The following SUPT3H variants were observed in gnomAD, a reference collection of about 807,000 sequenced individuals.
SUPT3H encodes the protein transcription initiation protein SPT3 homolog.
Under a neutral mutation model 44.3 loss-of-function variants are expected in SUPT3H, and 44 were observed. The observed-to-expected ratio is 0.99, with a 90% CI of 0.78 to 1.28. The LOEUF is 1.28. SUPT3H is among the 50% of genes most tolerant of loss of function. The pLI is 0.00. For synonymous variants in SUPT3H, 124 were observed against 125.6 expected (o/e 0.99, Z 0.09); for missense variants, 380 against 387.1 (o/e 0.98, Z 0.15).
At chr6:45,097,826 C>G (rs990232480) in intron 3 of SUPT3H, 1 of 152,238 alleles carries the variant, frequency 6.6e-6, no homozygotes, top group Non-Finnish European at 1.5e-5. Flanking sequence ...AACTCACTCC[C>G]TTCTTAGACC....
At chr6:45,192,649 C>A (rs1815334052) in intron 2 of SUPT3H, among the ~76,000 whole-genome samples, 1 of 151,924 alleles carries the variant, frequency 6.6e-6, no homozygotes, top group Admixed American at 6.5e-5. Context: ...ACTTTATAAG[C>A]CTTTATCATA....
chr6:45,342,449 T>C (rs1281370378), intron 2 of SUPT3H, among the ~76,000 whole-genome samples: 1 of 152,064 alleles, frequency 6.6e-6, no homozygotes, highest in East Asian at 1.9e-4. Context: ...TTAGTAGAGA[T>C]GGAGTTTCAA....
intron 6 of SUPT3H, among the ~76,000 whole-genome samples, chr6:44,985,642 C>T (rs1486186714): frequency 7.2e-5 from 11 of 152,112 alleles, no homozygotes; most frequent in Non-Finnish European, 1.0e-4. Context: ...TCTACAAGTA[C>T]CAGTATTACG....
At chr6:45,224,148 A>G (rs1477420581) in intron 2 of SUPT3H, among the ~76,000 whole-genome samples, 1 of 151,534 alleles carries the variant, frequency 6.6e-6, no homozygotes, top group Non-Finnish European at 1.5e-5. Context: ...ATATATATAT[A>G]CATATAAATG....
At chr6:44,881,605 G>A (rs941940338) in intron 10 of SUPT3H, among the ~76,000 whole-genome samples, 4 of 152,048 alleles carry the variant, frequency 2.6e-5, no homozygotes, top group Non-Finnish European at 5.9e-5. Flanking sequence ...GCACCACATT[G>A]CACTTATTCT....
At chr6:45,202,607 C>T (rs1487112935) in intron 2 of SUPT3H, among the ~76,000 whole-genome samples, 1 of 152,020 alleles carries the variant, frequency 6.6e-6, no homozygotes, top group Non-Finnish European at 1.5e-5. Flanking sequence ...ATAAACTTTT[C>T]CTAGTCATTA....
rs576530792 is a variant in SUPT3H at position 45,309,839 on chromosome 6, T to C, written c.101+55362A>G. Among the ~76,000 whole-genome samples the C allele has an allele frequency of 3.4e-4, 51 of 152,004 alleles. No homozygotes were observed. The South Asian group carries it at 6.5e-3, about 19-fold the overall frequency. Reference sequence around the variant, plus strand: ...CCTTACAGACCAGGAGAGAATGGGATGATATAGTCAAAGTGATGAAAAGGA... The same window carrying C: ...CCTTACAGACCAGGAGAGAATGGGACGATATAGTCAAAGTGATGAAAAGGA... On this transcript the variant is annotated intron_variant, in intron 2 of 10. Transcript: ENST00000371459.
At chr6:45,216,164 T>C (rs1317731869) in intron 2 of SUPT3H, among the ~76,000 whole-genome samples, 1 of 151,844 alleles carries the variant, frequency 6.6e-6, no homozygotes, top group African/African-American at 2.4e-5. Context: ...AGACCGAACT[T>C]ACAAGAAATG....
chr6:45,282,901 A>C (rs1018839043), intron 2 of SUPT3H, among the ~76,000 whole-genome samples: 21 of 152,354 alleles, frequency 1.4e-4, no homozygotes, highest in Middle Eastern at 3.4e-3. Flanking sequence ...CAGAAACTCT[A>C]CAAGCCAGAA....
intron 2 of SUPT3H, among the ~76,000 whole-genome samples, chr6:45,144,279 ATGCAAAGATCCTT>A (rs1289079223): frequency 3.3e-5 from 5 of 152,186 alleles, no homozygotes; most frequent in Non-Finnish European, 4.4e-5. Context: ...ATGGACGTAG[ATGCAAAGATCCTT>A]AACAAAATAC....
intron 3 of SUPT3H, among the ~76,000 whole-genome samples, chr6:45,047,007 G>A (rs1003567898): frequency 3.3e-5 from 5 of 152,076 alleles, no homozygotes; most frequent in Non-Finnish European, 4.4e-5. Flanking sequence ...GTCACTGCCG[G>A]TATATAAAAA....
chr6:45,076,678 C>T (rs1221802637), intron 3 of SUPT3H, among the ~76,000 whole-genome samples: 1 of 152,108 alleles, frequency 6.6e-6, no homozygotes, highest in Non-Finnish European at 1.5e-5. Flanking sequence ...TAAATTGACG[C>T]CTTTAATCAT....
chr6:44,958,885 T>TC (rs1582758122), intron 7 of SUPT3H, among the ~76,000 whole-genome samples: 2 of 146,916 alleles, frequency 1.4e-5, no homozygotes, highest in African/African-American at 2.5e-5. Flanking sequence ...TTTTTTTTTT[T>TC]TTTTTTTTGA....
chr6:44,845,028 C>T (rs185940529), intron 10 of SUPT3H, among the ~76,000 whole-genome samples: 2 of 152,254 alleles, frequency 1.3e-5, no homozygotes, highest in Admixed American at 1.3e-4. Context: ...TGAAACACAG[C>T]ACTTAGTAAG....
At chr6:44,998,561 T>G (rs906401493) in intron 6 of SUPT3H, among the ~76,000 whole-genome samples, 2 of 151,928 alleles carry the variant, frequency 1.3e-5, no homozygotes, top group African/African-American at 2.4e-5. Context: ...CTCCTTGAAC[T>G]CTGGCAAATA....
intron 3 of SUPT3H, among the ~76,000 whole-genome samples, chr6:45,027,291 A>C (rs1209683878): frequency 1.3e-5 from 2 of 152,068 alleles, no homozygotes; most frequent in Non-Finnish European, 2.9e-5. Context: ...TACCGTGCCC[A>C]GACTGGATTG....
chr6:45,261,741 A>G (rs1254369888), intron 2 of SUPT3H, among the ~76,000 whole-genome samples: 2 of 152,160 alleles, frequency 1.3e-5, no homozygotes, highest in Non-Finnish European at 2.9e-5. Context: ...GCAATCAAGG[A>G]AAGAGAAGAA....
At chr6:44,831,492 T>G (rs1768731975) in intron 10 of SUPT3H, among the ~76,000 whole-genome samples, 1 of 152,188 alleles carries the variant, frequency 6.6e-6, no homozygotes, top group Non-Finnish European at 1.5e-5. Flanking sequence ...CCTCAGTCTG[T>G]GAAACAAACA....
rs185110827 is a variant in SUPT3H at position 44,809,609 on chromosome 6, C to T, written c.*53-108G>A. On this transcript the variant is annotated intron_variant and NMD_transcript_variant, in intron 11 of 11. Coordinates refer to the SUPT3H transcript ENST00000475057. ...GCTTCTAAAAAGGCATTACAAATAACACAAAGTTTCAAACCTATAATTAAA... is the reference window on the plus strand; with the variant it reads ...GCTTCTAAAAAGGCATTACAAATAATACAAAGTTTCAAACCTATAATTAAA... 4.8e-4 allele frequency: 73 copies of T among 152,304 alleles called. 1 individual carries two copies. The highest frequency in any genetic ancestry group is 1.8e-3 in the African/African-American group (73 of 41,568). The allele number at this position is 152,304 out of a possible 1,614,324, so 9.4% of individuals were successfully genotyped here.
Sources: gnomAD v4.1 joint callset for allele counts (sites outside exome capture counted in the v4.1 genomes callset) on GRCh38, gnomAD v4.1.1 for gene constraint, MANE v1.5 for transcripts, NCBI Gene and HGNC (gene_info 2026-07-23, HGNC 2026-07-21) for gene names.